Variants in FANK1 observed in about 807,000 individuals in gnomAD.
The protein encoded by FANK1 is fibronectin type III and ankyrin repeat domains 1, also known as fibronectin type 3 and ankyrin repeat domains protein 1.
In FANK1, 44 loss-of-function variants were observed where a neutral mutation model predicts 45.3. That is an observed-to-expected ratio of 0.97 (90% CI 0.76 to 1.25). The LOEUF is 1.25. FANK1 is among the 50% of genes most tolerant of loss of function. The pLI, the probability that FANK1 is intolerant of heterozygous loss-of-function variation, is 0.00. For synonymous variants in FANK1, 149 were observed against 152.5 expected (o/e 0.98, Z 0.17); for missense variants, 391 against 424.4 (o/e 0.92, Z 0.69).
chr10:125,956,211 G>A (rs540626345), intron 1 of FANK1, among the ~76,000 whole-genome samples: 1 of 139,360 alleles, frequency 7.2e-6, no homozygotes, highest in South Asian at 2.6e-4. Flanking sequence ...TTGGGGGGGG[G>A]GCGGTGGTGG....
At chr10:125,981,743 T>G in intron 2 of FANK1, among the ~76,000 whole-genome samples, 1 of 152,138 alleles carries the variant, frequency 6.6e-6, no homozygotes, top group Non-Finnish European at 1.5e-5. Flanking sequence ...TATGGTAACA[T>G]CTTTGAAAAT....
chr10:125,994,891 G>A (rs1952206631), intron 3 of FANK1: 2 of 985,292 alleles, frequency 2.0e-6, no homozygotes, highest in Non-Finnish European at 1.2e-6. Context: ...CTTTTCTCCT[G>A]GTGCTCCCCA....
chr10:126,003,345 T>A (rs1301297868), intron 6 of FANK1, among the ~76,000 whole-genome samples: 1 of 152,078 alleles, frequency 6.6e-6, no homozygotes, highest in Non-Finnish European at 1.5e-5. Flanking sequence ...GGAAGATCAC[T>A]TGAGGCCATG....
intron 6 of FANK1, 78 bp downstream of exon 6, chr10:125,997,563 G>A: frequency 7.5e-7 from 1 of 1,334,802 alleles, no homozygotes; most frequent in Non-Finnish European, 1.1e-6. Flanking sequence ...GAGGGGTTGT[G>A]ATTTCACCAA....
intron 6 of FANK1, among the ~76,000 whole-genome samples, chr10:126,003,397 A>G (rs1027683090): frequency 4.6e-5 from 7 of 152,074 alleles, no homozygotes; most frequent in African/African-American, 1.7e-4. Context: ...ATTTTTTAAG[A>G]ATTAAAAAAA....
At chr10:125,900,061 C>T (rs540985505) in intron 1 of FANK1, among the ~76,000 whole-genome samples, 240 of 152,296 alleles carry the variant, frequency 1.6e-3, no homozygotes, top group African/African-American at 5.5e-3. Context: ...AACATAAACT[C>T]TTCAGACCCC....
chr10:125,976,057 G>C (rs2134196790), intron 1 of FANK1, among the ~76,000 whole-genome samples: 1 of 152,100 alleles, frequency 6.6e-6, no homozygotes, highest in East Asian at 1.9e-4. Flanking sequence ...ACCTGAAAAG[G>C]ATCTTGTTTC....
At chr10:125,981,706 T>G (rs1321558496) in intron 2 of FANK1, among the ~76,000 whole-genome samples, 4 of 152,170 alleles carry the variant, frequency 2.6e-5, no homozygotes, top group Middle Eastern at 3.4e-3. Flanking sequence ...TAAGAAAGAG[T>G]GATTGTACCT....
intron 1 of FANK1, among the ~76,000 whole-genome samples, chr10:125,916,311 G>GCCA (rs1231551986): frequency 1.3e-5 from 2 of 152,138 alleles, no homozygotes; most frequent in African/African-American, 4.8e-5. Context: ...ACAGGCATGA[G>GCCA]CCACCACACC....
At chr10:126,008,941 T>G in intron 8 of FANK1, 113 bp from the exon 9 acceptor site, 1 of 946,564 alleles carries the variant, frequency 1.1e-6, no homozygotes, top group Non-Finnish European at 1.6e-6. Context: ...ACAGTGGTCT[T>G]TTGGGGTTGC....
At chr10:125,987,755 C>G (rs1951662939) in intron 2 of FANK1, among the ~76,000 whole-genome samples, 1 of 152,100 alleles carries the variant, frequency 6.6e-6, no homozygotes, top group Non-Finnish European at 1.5e-5. Context: ...CATGCCAAGT[C>G]AAAGCCAGGC....
chr10:125,998,693 TGAAAA>T (rs1340118096), intron 6 of FANK1, among the ~76,000 whole-genome samples: 1 of 152,182 alleles, frequency 6.6e-6, no homozygotes, highest in Non-Finnish European at 1.5e-5. Flanking sequence ...AATGTAAACA[TGAAAA>T]GAAGTTTGTG....
At chr10:125,964,558 T>C (rs1443772703) in intron 1 of FANK1, among the ~76,000 whole-genome samples, 3 of 152,218 alleles carry the variant, frequency 2.0e-5, no homozygotes, top group Non-Finnish European at 4.4e-5. Context: ...TACCCTCGAT[T>C]TATTCACATG....
At chr10:125,918,661 T>G (rs1425644852) in intron 1 of FANK1, among the ~76,000 whole-genome samples, 1 of 146,552 alleles carries the variant, frequency 6.8e-6, no homozygotes, top group Non-Finnish European at 1.5e-5. Context: ...ATTTACCATT[T>G]GATCACCTAT....
chr10:125,945,364 CAG>C (rs1948712403), intron 1 of FANK1, among the ~76,000 whole-genome samples: 1 of 152,178 alleles, frequency 6.6e-6, no homozygotes, highest in Non-Finnish European at 1.5e-5. Context: ...TAGGGAGTGC[CAG>C]ACAGTGGGCG....
intron 1 of FANK1, among the ~76,000 whole-genome samples, chr10:125,951,624 G>GTGATCA (rs1245121486): frequency 8.5e-5 from 13 of 152,216 alleles, no homozygotes; most frequent in African/African-American, 3.1e-4. Flanking sequence ...CATTTTGTTG[G>GTGATCA]TGATCATGAT....
chr10:125,901,266 A>G lies in FANK1; in HGVS notation c.13+4611A>G, dbSNP rs1280229965. On this transcript the variant is annotated intron_variant, in intron 1 of 10. Coordinates refer to ENST00000368693, the MANE Select transcript of FANK1 (RefSeq NM_145235.5). ...GAAAATGAGTCATCCTTGGCTCCTCATTATCAACCCTCACCCCACCCTTCT... is the reference window on the plus strand; with the variant it reads ...GAAAATGAGTCATCCTTGGCTCCTCGTTATCAACCCTCACCCCACCCTTCT... Among the ~76,000 whole-genome samples the G allele has an allele frequency of 5.5e-4, 83 of 152,218 alleles. 1 individual carries two copies. Among genetic ancestry groups the G allele is most frequent in the Non-Finnish European group, 2.9e-5 (2 of 68,024 alleles).
At chr10:125,986,535 T>C (rs952486310) in intron 2 of FANK1, among the ~76,000 whole-genome samples, 10 of 152,146 alleles carry the variant, frequency 6.6e-5, no homozygotes, top group African/African-American at 2.4e-4. Flanking sequence ...TTCCTGGACG[T>C]GCCAGACTCT....
chr10:125,899,437 C>T (rs1011311905), intron 1 of FANK1, among the ~76,000 whole-genome samples: 1 of 152,252 alleles, frequency 6.6e-6, no homozygotes, highest in Admixed American at 6.5e-5. Flanking sequence ...TCTCGAACGC[C>T]TGGCCTCAAG....
Sources: allele counts gnomAD v4.1 joint callset (sites outside exome capture counted in the v4.1 genomes callset), GRCh38; gene constraint gnomAD v4.1.1; transcripts MANE v1.5; gene names NCBI Gene and HGNC (gene_info 2026-07-23, HGNC 2026-07-21).